Variants in UBE4B observed in about 807,000 individuals in gnomAD.
UBE4B encodes ubiquitination factor E4B.
Under a neutral mutation model 148.1 loss-of-function variants are expected in UBE4B, and 27 were observed. That is an observed-to-expected ratio of 0.18 (90% CI 0.13 to 0.25). The LOEUF is 0.25. UBE4B is among the 10% of genes least tolerant of loss of function. The pLI is 1.00. For missense variants in UBE4B, 1,170 were observed against 1,662.4 expected (o/e 0.70, Z 5.15); for synonymous variants, 596 against 619.3 (o/e 0.96, Z 0.56).
At chr1:10,037,215 CG>C (rs1643573386) in intron 1 of UBE4B, among the ~76,000 whole-genome samples, 1 of 152,100 alleles carries the variant, frequency 6.6e-6, no homozygotes, top group Admixed American at 6.6e-5. Context: ...TTAGTAGCGA[CG>C]GGGTTTCTCC....
At chr1:10,076,826 A>T (rs1316264291) in intron 2 of UBE4B, among the ~76,000 whole-genome samples, 5 of 138,488 alleles carry the variant, frequency 3.6e-5, no homozygotes, top group African/African-American at 1.4e-4. Context: ...GACTCTCTGT[A>T]ACCTCCACCT....
Position 10,122,041 on chromosome 1 carries a change from A to G in UBE4B, c.1519A>G (p.Arg507Gly). The G allele has an allele frequency of 6.2e-7, 1 of 1,613,790 alleles. No individual in the cohort carries two copies. Among genetic ancestry groups the G allele is most frequent in the South Asian group, 1.1e-5 (1 of 91,062 alleles). The change falls in exon 10 of 28, where the codon AGA (arginine) becomes GGA (glycine). Residue 507 changes from arginine (R) to glycine (G), a missense_variant. By Grantham distance (125) the Arg-to-Gly change is moderately radical. Around this residue, in one of 6 missense-constraint regions of UBE4B, gnomAD observed 388 missense variants for 536.0 expected, o/e 0.72. Transcript: ENST00000343090. ...ATATGGCTTCATTCAGGAACTGGTG[A>G]GAACCACTCACCAGGATGAAGAAGT... ...LPYGFIQELV[R>G]TTHQDEEVFK...
chr1:10,037,787 C>T (rs1035868855), intron 1 of UBE4B, among the ~76,000 whole-genome samples: 2 of 151,924 alleles, frequency 1.3e-5, no homozygotes, highest in African/African-American at 4.8e-5. Flanking sequence ...AACTCCTGGG[C>T]TCAAGTGATC....
intron 20 of UBE4B, 24 bp downstream of exon 20, chr1:10,149,306 T>C (rs1202737108): frequency 6.5e-7 from 1 of 1,533,136 alleles, no homozygotes; most frequent in East Asian, 2.3e-5. Context: ...ATATTTTACA[T>C]AGTTCTAATA....
intron 21 of UBE4B, among the ~76,000 whole-genome samples, chr1:10,156,041 A>G (rs1557603226): frequency 2.0e-5 from 3 of 151,664 alleles, no homozygotes; most frequent in Non-Finnish European, 2.9e-5. Flanking sequence ...AAAAAAAAAA[A>G]AAAGAAAGAA....
At chr1:10,130,681 A>C in intron 13 of UBE4B, 34 bp from the exon 14 acceptor site, 1 of 1,612,582 alleles carries the variant, frequency 6.2e-7, no homozygotes, top group Non-Finnish European at 8.5e-7. Context: ...AATGTGCATT[A>C]TATGTTGACT....
In UBE4B at chr1:10,095,465, A is replaced by G. The variant is rs1033202326; in HGVS notation, c.216A>G (p.Val72=). 8.7e-6 allele frequency: 14 copies of G among 1,613,996 alleles called. No homozygotes were observed. The highest frequency in any genetic ancestry group is 1.1e-5 in the Non-Finnish European group (13 of 1,180,022). ...CTTCCTGTGTTTTCTGTTTAGGAGTAGCCCATCGAAGCCAGAGCAGTGAAG... is the reference window on the plus strand; with the variant it reads ...CTTCCTGTGTTTTCTGTTTAGGAGTGGCCCATCGAAGCCAGAGCAGTGAAG... ...PATSPIGASG[V]AHRSQSSEGV... The change falls in exon 3 of 28, where the codon GTA becomes GTG. Residue 72 remains valine, a synonymous_variant. Coordinates refer to ENST00000343090, the MANE Select transcript of UBE4B (RefSeq NM_001105562.3).
rs780092950 is a variant in UBE4B, at chr1:10,179,882, T to C, written c.3848-13T>C. ...CATCTGGGGCATTAATCCTCCTTTT[T>C]TTCTTTTCTCAGTGCCAGAACTGAA... On this transcript the variant is annotated splice_polypyrimidine_tract_variant and intron_variant, in intron 27 of 27. Transcript: ENST00000343090. 10 of 1,613,528 alleles carry C rather than the reference T, an allele frequency of 6.2e-6. No individual in the cohort carries two copies. Among genetic ancestry groups the C allele is most frequent in the Admixed American group, 1.7e-5 (1 of 60,002 alleles).
At chr1:10,093,377 A>G (rs546029950) in intron 2 of UBE4B, among the ~76,000 whole-genome samples, 1 of 152,274 alleles carries the variant, frequency 6.6e-6, no homozygotes, top group East Asian at 1.9e-4. Context: ...CAAAAGTTTT[A>G]CTGTATTCTG....
At chr1:10,101,463 T>C (rs541771523) in intron 4 of UBE4B, among the ~76,000 whole-genome samples, 1 of 149,708 alleles carries the variant, frequency 6.7e-6, no homozygotes, top group African/African-American at 2.4e-5. Flanking sequence ...GGAACTAATT[T>C]AGAGCAAATT....
chr1:10,047,568 C>T (rs1643938253), intron 1 of UBE4B, among the ~76,000 whole-genome samples: 1 of 150,770 alleles, frequency 6.6e-6, no homozygotes, highest in Admixed American at 6.6e-5. Flanking sequence ...TCTCGGCTCA[C>T]CGCAAGCTCC....
At chr1:10,102,454 AG>A (rs1238817086) in intron 4 of UBE4B, among the ~76,000 whole-genome samples, 2 of 114,194 alleles carry the variant, frequency 1.8e-5, no homozygotes, top group Non-Finnish European at 3.3e-5. Flanking sequence ...TCTGTTGCCC[AG>A]GCTGGAGTGC....
chr1:10,169,237 G>T (rs1010752197), intron 24 of UBE4B, among the ~76,000 whole-genome samples: 1 of 152,216 alleles, frequency 6.6e-6, no homozygotes, highest in Non-Finnish European at 1.5e-5. Context: ...AAGGCAAGAC[G>T]GGGACCTAAG....
At chr1:10,154,488 A>G (rs191463552) in intron 21 of UBE4B, among the ~76,000 whole-genome samples, 4 of 152,278 alleles carry the variant, frequency 2.6e-5, no homozygotes, top group Non-Finnish European at 4.4e-5. Context: ...ATAATTACGA[A>G]TGTTTGTAAG....
rs1469701549 is a variant in UBE4B at position 10,043,364 on chromosome 1, G to C, written c.24+9670G>C. On this transcript the variant is annotated intron_variant, in intron 1 of 27. Transcript: ENST00000343090. ...ACTGTTTTTCAATCATTTCTGAGAT[G>C]TACTCTCCTCCCCCTTGTTTTCATC... is the stretch of plus-strand genomic sequence containing the variant. 6.1e-5 allele frequency among the ~76,000 whole-genome samples: 9 copies of C among 147,788 alleles called. 1 individual carries two copies. In the East Asian group the frequency reaches 1.0e-3, roughly 17 times the overall value.
At chr1:10,061,973 G>A (rs987491682) in intron 1 of UBE4B, among the ~76,000 whole-genome samples, 2 of 150,090 alleles carry the variant, frequency 1.3e-5, no homozygotes, top group African/African-American at 2.5e-5. Flanking sequence ...GCAGTGGCGC[G>A]ATCTTGGCTC....
At position 10,096,322 on chromosome 1, in the gene UBE4B, T is replaced by G. The variant is rs188920063; in HGVS notation, c.347+726T>G. Among the ~76,000 whole-genome samples, 10 of 152,178 alleles carry G rather than the reference T, an allele frequency of 6.6e-5. No homozygotes were observed. In the East Asian group the frequency reaches 1.9e-3, roughly 29 times the overall value. On this transcript the variant is annotated intron_variant, in intron 3 of 27. Transcript: ENST00000343090. Reference sequence around the variant, plus strand: ...TTGCATATGTGCCAAAAATGGGTGGTAAGAGTGGCTGAGGTATTGACTCCT... The same window carrying G: ...TTGCATATGTGCCAAAAATGGGTGGGAAGAGTGGCTGAGGTATTGACTCCT...
chr1:10,164,154 A>G (rs1048795149), intron 23 of UBE4B, among the ~76,000 whole-genome samples: 2 of 152,042 alleles, frequency 1.3e-5, no homozygotes, highest in African/African-American at 4.8e-5. Flanking sequence ...CAGCCTGGCC[A>G]ACATGGTGAA....
At chr1:10,110,433 G>T (rs1427018433) in intron 7 of UBE4B, among the ~76,000 whole-genome samples, 1 of 152,134 alleles carries the variant, frequency 6.6e-6, no homozygotes, top group Non-Finnish European at 1.5e-5. Context: ...TGGGCTTAAT[G>T]CATGGGTGAT....
Sources: gnomAD v4.1 joint callset for allele counts (sites outside exome capture counted in the v4.1 genomes callset) on GRCh38, gnomAD v4.1.1 for gene constraint, gnomAD v4.1.1 regional missense constraint, MANE v1.5 for transcripts, NCBI Gene and HGNC (gene_info 2026-07-23, HGNC 2026-07-21) for gene names.